NUP98: variants seen among roughly 807,000 people sequenced by gnomAD.
The protein encoded by NUP98 is nucleoporin 98 and 96 precursor, also known as nuclear pore complex protein Nup98-Nup96.
Under a neutral mutation model 191.9 loss-of-function variants are expected in NUP98, and 26 were observed. The ratio of observed to expected loss-of-function variants is 0.14; its 90% CI spans 0.10 to 0.19. The LOEUF (loss-of-function observed/expected upper bound fraction) is 0.19. NUP98 is among the 10% of genes least tolerant of loss of function. NUP98 has a pLI of 1.00. For synonymous variants in NUP98, 808 were observed against 778.4 expected (o/e 1.04, Z -0.63); for missense variants, 1,941 against 2,178.8 (o/e 0.89, Z 2.17).
At chr11:3,708,832 G>A (rs1324032557) in intron 20 of NUP98, among the ~76,000 whole-genome samples, 6 of 152,088 alleles carry the variant, frequency 3.9e-5, no homozygotes, top group South Asian at 2.1e-4. Context: ...AGCAGCCAAC[G>A]AGGACACCAT....
At chr11:3,750,320 T>C (rs768120296) in intron 11 of NUP98, among the ~76,000 whole-genome samples, 9 of 152,052 alleles carry the variant, frequency 5.9e-5, no homozygotes, top group Non-Finnish European at 8.8e-5. Context: ...AGGGTCTCCC[T>C]ACATTGCCCA....
Position 3,675,696 on chromosome 11 carries a change from G to A in NUP98, c.*463C>T, listed in dbSNP as rs560486717. The A allele has an allele frequency of 1.3e-4, 33 of 246,454 alleles. No homozygotes were observed. The highest frequency in any genetic ancestry group is 4.7e-4 in the East Asian group (8 of 17,192). The allele number at this position is 246,454 out of a possible 1,614,324, so 15.3% of individuals were successfully genotyped here. ...TTAACTAACCAATTACTTAAGAGAC[G>A]GATCCCTCTTCCTTCTGTGGATAGT... On this transcript the variant is annotated 3_prime_UTR_variant, in exon 33 of 33. Coordinates refer to ENST00000324932, the MANE Select transcript of NUP98 (RefSeq NM_016320.5).
intron 12 of NUP98, among the ~76,000 whole-genome samples, chr11:3,736,110 T>C (rs1437981846): frequency 6.6e-6 from 1 of 151,912 alleles, no homozygotes; most frequent in Admixed American, 6.6e-5. Flanking sequence ...TTTGTTTTTT[T>C]TTTCAGAGAT....
At chr11:3,739,772 T>C (rs2080210761) in intron 12 of NUP98, among the ~76,000 whole-genome samples, 1 of 152,148 alleles carries the variant, frequency 6.6e-6, no homozygotes, top group Non-Finnish European at 1.5e-5. Flanking sequence ...TCAAGCAGGA[T>C]ACAGAAAACT....
chr11:3,698,767 C>T (rs2078590073), intron 25 of NUP98, among the ~76,000 whole-genome samples: 1 of 134,660 alleles, frequency 7.4e-6, no homozygotes, highest in East Asian at 2.4e-4. Context: ...GGTTCCTATT[C>T]TATAGGAATA....
At chr11:3,778,617 T>C (rs1331242016) in intron 4 of NUP98, among the ~76,000 whole-genome samples, 4 of 152,238 alleles carry the variant, frequency 2.6e-5, no homozygotes, top group Non-Finnish European at 5.9e-5. Flanking sequence ...TCTAGCCATT[T>C]TGCATCAGGA....
At chr11:3,731,016 C>A (rs2079827308) in intron 14 of NUP98, among the ~76,000 whole-genome samples, 1 of 152,120 alleles carries the variant, frequency 6.6e-6, no homozygotes, top group Non-Finnish European at 1.5e-5. Flanking sequence ...CCTGTAATCC[C>A]AGCACTTTGG....
intron 29 of NUP98, among the ~76,000 whole-genome samples, 166 bp downstream of exon 29, chr11:3,685,806 GA>G (rs1273660800): frequency 6.6e-6 from 1 of 152,178 alleles, no homozygotes; most frequent in African/African-American, 2.4e-5. Flanking sequence ...CATGAATACA[GA>G]AACAGTCTAG....
intron 4 of NUP98, among the ~76,000 whole-genome samples, chr11:3,777,855 T>C (rs1452685283): frequency 6.6e-6 from 1 of 152,060 alleles, no homozygotes; most frequent in Non-Finnish European, 1.5e-5. Flanking sequence ...CATTATATAC[T>C]GTTATGGCTA....
At chr11:3,766,358 A>G (rs2134558097) in intron 8 of NUP98, among the ~76,000 whole-genome samples, 1 of 152,104 alleles carries the variant, frequency 6.6e-6, no homozygotes, top group Non-Finnish European at 1.5e-5. Flanking sequence ...GGGTGACTGC[A>G]GCGAGGCCTG....
chr11:3,726,915 T>A (rs141474444), intron 14 of NUP98, among the ~76,000 whole-genome samples: 82 of 152,104 alleles, frequency 5.4e-4, no homozygotes, highest in African/African-American at 1.9e-3. Context: ...GCATGTGCCA[T>A]CATGTCTGGC....
intron 27 of NUP98, among the ~76,000 whole-genome samples, chr11:3,692,211 C>T (rs1419798609): frequency 6.6e-6 from 1 of 151,626 alleles, no homozygotes; most frequent in Non-Finnish European, 1.5e-5. Flanking sequence ...CACCTGTGGT[C>T]CCAGCTACTC....
intron 2 of NUP98, 147 bp downstream of exon 2, chr11:3,781,895 G>T: frequency 2.0e-6 from 1 of 509,388 alleles, no homozygotes; most frequent in Non-Finnish European, 3.5e-6. Context: ...CTGTTAAAGA[G>T]ATCTTATCCT....
chr11:3,683,986 T>C (rs2078059458), intron 29 of NUP98, among the ~76,000 whole-genome samples: 1 of 118,474 alleles, frequency 8.4e-6, no homozygotes. Context: ...GGTGGGTGGA[T>C]CACATGAGGT....
chr11:3,753,540 G>A (rs904010446), intron 10 of NUP98, 132 bp from the exon 11 acceptor site: 1 of 626,570 alleles, frequency 1.6e-6, no homozygotes, highest in Non-Finnish European at 2.7e-6. Flanking sequence ...CTCCTAACTT[G>A]TAGGATAACT....
intron 7 of NUP98, 88 bp downstream of exon 7, chr11:3,771,660 A>C (rs1175825112): frequency 1.7e-6 from 2 of 1,155,072 alleles, no homozygotes; most frequent in Non-Finnish European, 2.5e-6. Flanking sequence ...ATTTTTCTCC[A>C]TAGCACTTAT....
At position 3,791,179 on chromosome 11, in the gene NUP98, G is replaced by A. The variant is rs558306068; in HGVS notation, c.-29+6221C>T. 8.4e-4 allele frequency among the ~76,000 whole-genome samples: 128 copies of A among 152,170 alleles called. No individual in the cohort carries two copies. The Middle Eastern group carries it at 0.01, about 12-fold the overall frequency. ...CAAAGTGCTGGGATTACAGGCGTGA[G>A]CCACTGCGCCCCGCCCACCATTTTA... On this transcript the variant is annotated intron_variant, in intron 1 of 32. Transcript: ENST00000324932.
chr11:3,695,117 C>A (rs117261528), intron 26 of NUP98, among the ~76,000 whole-genome samples: 10,279 of 152,222 alleles, frequency 0.068, 485 homozygotes, highest in Non-Finnish European at 0.11. Flanking sequence ...GAGCCAAGAT[C>A]ACCCCACTGT....
intron 2 of NUP98, among the ~76,000 whole-genome samples, chr11:3,779,546 C>A (rs1275088710): frequency 6.6e-6 from 1 of 151,458 alleles, no homozygotes; most frequent in Non-Finnish European, 1.5e-5. Flanking sequence ...GAGGCTGAGG[C>A]AGGAGAACTG....
Sources: gnomAD v4.1 joint callset for allele counts (sites outside exome capture counted in the v4.1 genomes callset) on GRCh38, gnomAD v4.1.1 for gene constraint, MANE v1.5 for transcripts, NCBI Gene and HGNC (gene_info 2026-07-23, HGNC 2026-07-21) for gene names.